Variants in TIRAP observed in about 807,000 individuals in gnomAD.
The protein encoded by TIRAP is toll/interleukin-1 receptor domain-containing adapter protein.
In TIRAP, 20 loss-of-function variants were observed where a neutral mutation model predicts 19.8. The ratio of observed to expected loss-of-function variants is 1.01; its 90% CI spans 0.71 to 1.47. The LOEUF is 1.47. Among genes scored for constraint, TIRAP ranks in the 40% most tolerant of loss-of-function variants. The pLI, the probability that TIRAP is intolerant of heterozygous loss-of-function variation, is 0.00. For missense variants in TIRAP, 276 were observed against 285.1 expected (o/e 0.97, Z 0.23); for synonymous variants, 125 against 121.7 (o/e 1.03, Z -0.18).
At chr11:126,283,809 A>C (rs1274500324) in intron 1 of TIRAP, among the ~76,000 whole-genome samples, 1 of 152,234 alleles carries the variant, frequency 6.6e-6, no homozygotes, top group Non-Finnish European at 1.5e-5. Context: ...CACCAGGATC[A>C]GGAATGACTC....
intron 1 of TIRAP, among the ~76,000 whole-genome samples, chr11:126,286,215 A>G (rs1178889574): frequency 2.0e-5 from 3 of 152,064 alleles, no homozygotes; most frequent in Non-Finnish European, 4.4e-5. Flanking sequence ...AAATACAAAA[A>G]TTAGCTGGAT....
rs1476579487 is a variant in TIRAP, at chr11:126,287,386, T to C, written c.-216-3076T>C. Among the ~76,000 whole-genome samples the C allele has an allele frequency of 1.3e-5, 2 of 152,072 alleles. No homozygotes were observed. Among genetic ancestry groups the C allele is most frequent in the African/African-American group, 4.8e-5 (2 of 41,392 alleles). On this transcript the variant is annotated intron_variant, in intron 1 of 4. Transcript: ENST00000392679. The surrounding 1 kb of genome is among the most constrained non-coding windows in gnomAD (Gnocchi z 4.2). ...CCCAGGCTGGAGTGCAGTGGCATGA[T>C]CTCGGCTCACTGCAACCTCCACCTC...
At position 126,294,755 on chromosome 11, in the gene TIRAP, A is replaced by AT. The variant is rs1396524922; in HGVS notation, c.*1074dup. The AT allele has an allele frequency of 1.7e-5, 5 of 294,884 alleles. No homozygotes were observed. The highest frequency in any genetic ancestry group is 6.5e-4 in the Middle Eastern group (1 of 1,538). 18.3% of individuals were successfully genotyped at this position (294,884 alleles called of 1,614,324 possible). A position where few individuals can be genotyped will look rare whatever the true frequency, so the allele number is the denominator to read the frequency against. On this transcript the variant is annotated 3_prime_UTR_variant, in exon 5 of 5. Transcript: ENST00000392679. ...TCTTTTGCTGAAAAAAATTTTTATT[A>AT]TTTTTTCTATCTCTAGTTCTAGAAA...
Position 126,287,570 on chromosome 11 carries a change from C to T in TIRAP, c.-216-2892C>T, listed in dbSNP as rs1003863904. 4.6e-5 allele frequency among the ~76,000 whole-genome samples: 7 copies of T among 152,086 alleles called. No individual in the cohort carries two copies. The highest frequency in any genetic ancestry group is 9.7e-5 in the African/African-American group (4 of 41,392). ...TCCTGACCTCATGATCCGCCCACCTCGGCCTCCCAAAGTGCTGGGATTACA... is the reference window on the plus strand; with the variant it reads ...TCCTGACCTCATGATCCGCCCACCTTGGCCTCCCAAAGTGCTGGGATTACA... On this transcript the variant is annotated intron_variant, in intron 1 of 4. Coordinates refer to ENST00000392679, the MANE Select transcript of TIRAP (RefSeq NM_001318777.2). The surrounding 1 kb of genome is among the most constrained non-coding windows in gnomAD (Gnocchi z 4.2).
chr11:126,292,157 A>T (rs927095065), intron 3 of TIRAP, among the ~76,000 whole-genome samples: 22 of 151,846 alleles, frequency 1.4e-4, no homozygotes, highest in Middle Eastern at 3.2e-3. Flanking sequence ...TACAAAAATT[A>T]GCCAGGTGTG....
Position 126,291,351 on chromosome 11 carries a change from G to A in TIRAP, c.67+390G>A. ...CAACTATCTGTCCTTATCAAAGGCTGGGGAAGCTGTTTTCATCTCCTTATG... is the reference window on the plus strand; with the variant it reads ...CAACTATCTGTCCTTATCAAAGGCTAGGGAAGCTGTTTTCATCTCCTTATG... On this transcript the variant is annotated intron_variant, in intron 3 of 4. Transcript: ENST00000392679. This position sits in a 1 kb window ranked among gnomAD's most constrained non-coding sequence, Gnocchi z 5.6. 1.1e-6 allele frequency: 1 copy of A among 912,348 alleles called. No individual in the cohort carries two copies. The highest frequency in any genetic ancestry group is 1.6e-6 in the Non-Finnish European group (1 of 639,618). The allele number at this position is 912,348 out of a possible 1,614,324, so 56.5% of individuals were successfully genotyped here. A position where few individuals can be genotyped will look rare whatever the true frequency, so the allele number is the denominator to read the frequency against.
rs1282469786 is a variant in TIRAP at position 126,283,158 on chromosome 11, G to T, written c.-217+5G>T. The T allele has an allele frequency of 8.1e-6, 8 of 984,560 alleles. No individual in the cohort carries two copies. In the East Asian group the frequency reaches 9.1e-4, roughly 112 times the overall value. 61.0% of individuals were successfully genotyped at this position (984,560 alleles called of 1,614,324 possible). On this transcript the variant is annotated splice_donor_5th_base_variant and intron_variant, in intron 1 of 4. Transcript: ENST00000392679. Reference sequence around the variant, plus strand: ...CGCAACTGGGCCCGCGCGCAGGTGAGCCCGGGGCGGGGTCGCGGGGGACCG... The same window carrying T: ...CGCAACTGGGCCCGCGCGCAGGTGATCCCGGGGCGGGGTCGCGGGGGACCG...
Position 126,292,781 on chromosome 11 carries a change from C to T in TIRAP, c.372C>T (p.Thr124=). ...GCTTCCTGCAACTCCGGGATGCAAC[C>T]CCAGGCGGCGCTATAGTGTCCGAGC... ...LRCFLQLRDA[T]PGGAIVSELC... is the part of the protein sequence containing the mutation. The change falls in exon 4 of 5, where the codon ACC becomes ACT. Residue 124 remains threonine (T), a synonymous_variant. Coordinates refer to ENST00000392679, the MANE Select transcript of TIRAP (RefSeq NM_001318777.2). 1 of 1,613,096 alleles carries T rather than the reference C, an allele frequency of 6.2e-7. No individual in the cohort carries two copies. The highest frequency in any genetic ancestry group is 8.5e-7 in the Non-Finnish European group (1 of 1,179,762).
rs538912520 is a variant in TIRAP, at chr11:126,294,306, A to C, written c.*619A>C. 7.1e-5 allele frequency: 22 copies of C among 311,024 alleles called. No homozygotes were observed. The East Asian group carries it at 1.4e-3, about 20-fold the overall frequency. 19.3% of individuals were successfully genotyped at this position (311,024 alleles called of 1,614,324 possible). A position where few individuals can be genotyped will look rare whatever the true frequency, so the allele number is the denominator to read the frequency against. On this transcript the variant is annotated 3_prime_UTR_variant, in exon 5 of 5. Coordinates refer to ENST00000392679, the MANE Select transcript of TIRAP (RefSeq NM_001318777.2). ...TTCACTTCAAAGAGCTGTAGGGAAG[A>C]TGCAGTCAGCACTGCACTGTATTTT... is the stretch of plus-strand genomic sequence containing the variant.
rs904424664 is a variant in TIRAP, at chr11:126,288,961, T to A, written c.-216-1501T>A. 3.9e-5 allele frequency among the ~76,000 whole-genome samples: 6 copies of A among 152,152 alleles called. No homozygotes were observed. The highest frequency in any genetic ancestry group is 1.4e-4 in the African/African-American group (6 of 41,440). On this transcript the variant is annotated intron_variant, in intron 1 of 4. Transcript: ENST00000392679. This position sits in a 1 kb window ranked among gnomAD's most constrained non-coding sequence, Gnocchi z 5.0. ...GTTTACTACTGGGGGCAAAAAGGCA[T>A]CCTGAACGGCCCTAGCTGCAGCCTA... is the stretch of plus-strand genomic sequence containing the variant.
chr11:126,283,148 G>A lies in TIRAP; in HGVS notation c.-222G>A. ...CAGCCCTCATCGCAACTGGGCCCGCGCGCAGGTGAGCCCGGGGCGGGGTCG... is the reference window on the plus strand; with the variant it reads ...CAGCCCTCATCGCAACTGGGCCCGCACGCAGGTGAGCCCGGGGCGGGGTCG... On this transcript the variant is annotated 5_prime_UTR_variant, in exon 1 of 5. Coordinates refer to ENST00000392679, the MANE Select transcript of TIRAP (RefSeq NM_001318777.2). 1.0e-6 allele frequency: 1 copy of A among 984,792 alleles called. No homozygotes were observed. The highest frequency in any genetic ancestry group is 4.7e-5 in the South Asian group (1 of 21,282). 61.0% of individuals were successfully genotyped at this position (984,792 alleles called of 1,614,324 possible).
Position 126,290,576 on chromosome 11 carries a change from C to T in TIRAP, c.-102C>T. ...CAGTTCCTCAGCTGGTCATGCTGAG[C>T]TCATACCCTGTAAGTCTGACCACAC... On this transcript the variant is annotated 5_prime_UTR_variant, in exon 2 of 5. Coordinates refer to ENST00000392679, the MANE Select transcript of TIRAP (RefSeq NM_001318777.2). This position sits in a 1 kb window ranked among gnomAD's most constrained non-coding sequence, Gnocchi z 4.9. The T allele has an allele frequency of 9.1e-7, 1 of 1,093,092 alleles. No individual in the cohort carries two copies. The highest frequency in any genetic ancestry group is 1.1e-6 in the Non-Finnish European group (1 of 900,182). 67.7% of individuals were successfully genotyped at this position (1,093,092 alleles called of 1,614,324 possible).
At position 126,290,375 on chromosome 11, in the gene TIRAP, G is replaced by T; in HGVS notation, c.-216-87G>T. 3.2e-6 allele frequency: 3 copies of T among 949,444 alleles called. No individual in the cohort carries two copies. In the South Asian group the frequency reaches 1.5e-4, roughly 46 times the overall value. The allele number at this position is 949,444 out of a possible 1,614,324, so 58.8% of individuals were successfully genotyped here. Reference sequence around the variant, plus strand: ...AAAAGTCTCCCAAGATTTCCTGCATGTGCTCTCTCTCTACTGTTCAGCTTC... The same window carrying T: ...AAAAGTCTCCCAAGATTTCCTGCATTTGCTCTCTCTCTACTGTTCAGCTTC... On this transcript the variant is annotated intron_variant, in intron 1 of 4. Coordinates refer to ENST00000392679, the MANE Select transcript of TIRAP (RefSeq NM_001318777.2). This position sits in a 1 kb window ranked among gnomAD's most constrained non-coding sequence, Gnocchi z 4.9.
At chr11:126,284,479 C>G (rs1032956155) in intron 1 of TIRAP, among the ~76,000 whole-genome samples, 1 of 145,752 alleles carries the variant, frequency 6.9e-6, no homozygotes, top group Non-Finnish European at 1.6e-5. Flanking sequence ...CTACTGGACA[C>G]GGGTTGATGG....
intron 1 of TIRAP, among the ~76,000 whole-genome samples, chr11:126,283,469 G>GTGGA (rs1305855503): frequency 6.6e-6 from 1 of 152,248 alleles, no homozygotes; most frequent in East Asian, 1.9e-4. Flanking sequence ...TCAGTGCGTT[G>GTGGA]TGGATATCGT....
At chr11:126,285,818 A>C (rs1951315934) in intron 1 of TIRAP, among the ~76,000 whole-genome samples, 1 of 151,568 alleles carries the variant, frequency 6.6e-6, no homozygotes, top group South Asian at 2.1e-4. Flanking sequence ...TGGGCGGATC[A>C]CTTGAGGCCA....
In TIRAP at chr11:126,284,802, C is replaced by T. The variant is rs186179301; in HGVS notation, c.-217+1649C>T. Among the ~76,000 whole-genome samples the T allele has an allele frequency of 4.6e-3, 693 of 150,056 alleles. 3 individuals are homozygous for T. The highest frequency in any genetic ancestry group is 0.031 in the Middle Eastern group (9 of 292). ...GTGGGAGGCAGAGGTTGCAGGGAGC[C>T]GAGATTATGCCACTGCACTCCAGCC... On this transcript the variant is annotated intron_variant, in intron 1 of 4. Transcript: ENST00000392679.
chr11:126,292,336 C>A, intron 3 of TIRAP, 141 bp from the exon 4 acceptor site: 6 of 764,960 alleles, frequency 7.8e-6, no homozygotes, highest in Non-Finnish European at 1.2e-5. Flanking sequence ...AGCAACAGGT[C>A]TCTGAGAATA....
At chr11:126,292,168 G>A (rs1591373966) in intron 3 of TIRAP, among the ~76,000 whole-genome samples, 2 of 151,938 alleles carry the variant, frequency 1.3e-5, no homozygotes, top group Non-Finnish European at 1.5e-5. Flanking sequence ...GCCAGGTGTG[G>A]TGGTGCATGC....
Sources: allele counts gnomAD v4.1 joint callset (sites outside exome capture counted in the v4.1 genomes callset), GRCh38; gene constraint gnomAD v4.1.1; non-coding constraint Gnocchi (gnomAD v3.1); transcripts MANE v1.5; gene names NCBI Gene and HGNC (gene_info 2026-07-23, HGNC 2026-07-21).